The following ANKRD34C variants were observed in gnomAD, a reference collection of about 807,000 sequenced individuals.
ANKRD34C encodes ankyrin repeat domain-containing protein 34C.
For missense variants in ANKRD34C, 563 were observed against 653.0 expected, an observed-to-expected ratio of 0.86 and a Z score of 1.50; for synonymous variants, 260 against 253.6, an observed-to-expected ratio of 1.03 and a Z score of -0.24.
chr15:79,293,136 T>C, intron 1 of ANKRD34C, 105 bp from the exon 2 acceptor site: 1 of 801,328 alleles, frequency 1.2e-6, no homozygotes, highest in Non-Finnish European at 1.9e-6. Flanking sequence ...TCAATGTAAG[T>C]TGGGATCAGG....
intron 1 of ANKRD34C, among the ~76,000 whole-genome samples, chr15:79,286,243 T>G (rs1184739415): frequency 2.1e-5 from 3 of 145,490 alleles, no homozygotes; most frequent in African/African-American, 5.1e-5. Flanking sequence ...GGGTGGGGGG[T>G]TGGCGGGTAG....
rs2058675255 is a variant in ANKRD34C at position 79,297,596 on chromosome 15, T to G, written c.*2704T>G. The stretch of plus-strand genomic sequence containing the variant: ...CAGTCATGACCTTTGCATCAGCCTT[T>G]CAATAGACAGTCATCAGGCTAGTAT... On this transcript the variant is annotated 3_prime_UTR_variant, in exon 2 of 2. Coordinates refer to ENST00000421388, the MANE Select transcript of ANKRD34C (RefSeq NM_001146341.2). The G allele has an allele frequency of 6.0e-6, 1 of 167,090 alleles. No homozygotes were observed. The highest frequency in any genetic ancestry group is 2.4e-5 in the African/African-American group (1 of 41,454). 10.4% of individuals were successfully genotyped at this position (167,090 alleles called of 1,614,324 possible).
chr15:79,291,419 G>A (rs2058658731), intron 1 of ANKRD34C, among the ~76,000 whole-genome samples: 1 of 152,118 alleles, frequency 6.6e-6, no homozygotes, highest in South Asian at 2.1e-4. Flanking sequence ...CTAGTCTTTG[G>A]AAATTCTGCT....
rs879518409 is a variant in ANKRD34C, at chr15:79,294,590, C to G, written c.1306C>G (p.Arg436Gly). Residue 436 changes from arginine to glycine, a missense_variant, in exon 2 of 2, where the codon CGC (arginine) becomes GGC (glycine). Arg to Gly is a moderately radical substitution (Grantham distance 125). Transcript: ENST00000421388. ...TAGCACATCCCCCAGCTCAGCACGC[C>G]GCAGGCCGCCACATCTTCTAGAACG... ...VPSTSPSSARRRPPHLLERRG... is the reference protein window; with the variant it reads ...VPSTSPSSARGRPPHLLERRG... 1 of 1,551,712 alleles carries G rather than the reference C, an allele frequency of 6.4e-7. No individual in the cohort carries two copies. The highest frequency in any genetic ancestry group is 2.0e-5 in the Admixed American group (1 of 51,008).
Position 79,293,270 on chromosome 15 carries a change from T to C in ANKRD34C, c.-15T>C. 1.0e-5 allele frequency: 15 copies of C among 1,494,072 alleles called. No individual in the cohort carries two copies. The highest frequency in any genetic ancestry group is 1.3e-5 in the Non-Finnish European group (15 of 1,120,734). The allele number at this position is 1,494,072 out of a possible 1,614,324, so 92.6% of individuals were successfully genotyped here. A position where few individuals can be genotyped will look rare whatever the true frequency, so the allele number is the denominator to read the frequency against. The stretch of plus-strand genomic sequence containing the variant: ...GATTGCTACTGTGGCTCAGGTCCTC[T>C]AAACTGTAGCCAATATGATGGATGA... On this transcript the variant is annotated 5_prime_UTR_variant, in exon 2 of 2. Transcript: ENST00000421388.
In ANKRD34C at chr15:79,294,148, A is replaced by C; in HGVS notation, c.864A>C (p.Ile288=). 2 of 1,551,452 alleles carry C rather than the reference A, an allele frequency of 1.3e-6. No homozygotes were observed. The highest frequency in any genetic ancestry group is 2.4e-5 in the South Asian group (2 of 84,044). ...DNEVIKSISD[I]SFPKRGPLSR... is the part of the protein sequence containing the mutation. ...AGGTCATCAAGAGCATCAGTGATAT[A>C]TCCTTCCCTAAAAGGGGGCCCCTCT... Residue 288 remains isoleucine (I), a synonymous_variant, in exon 2 of 2, where the codon ATA becomes ATC. Transcript: ENST00000421388.
intron 1 of ANKRD34C, among the ~76,000 whole-genome samples, chr15:79,284,739 T>C (rs1304696501): frequency 6.6e-6 from 1 of 152,196 alleles, no homozygotes; most frequent in African/African-American, 2.4e-5. Flanking sequence ...ATAACAATGT[T>C]GTTAAGTAGG....
rs374330807 is a variant in ANKRD34C, at chr15:79,295,480, A to G, written c.*588A>G. 1 of 167,312 alleles carries G rather than the reference A, an allele frequency of 6.0e-6. No homozygotes were observed. Among genetic ancestry groups the G allele is most frequent in the African/African-American group, 2.4e-5 (1 of 41,440 alleles). 10.4% of individuals were successfully genotyped at this position (167,312 alleles called of 1,614,324 possible). A position where few individuals can be genotyped will look rare whatever the true frequency, so the allele number is the denominator to read the frequency against. On this transcript the variant is annotated 3_prime_UTR_variant, in exon 2 of 2. Transcript: ENST00000421388. The stretch of plus-strand genomic sequence containing the variant: ...AACTCGTTCAGTAATCCAGTAATAT[A>G]TTTTGTTCACATACTAATTTGTATG...
intron 1 of ANKRD34C, among the ~76,000 whole-genome samples, chr15:79,288,441 C>T (rs529112311): frequency 6.6e-6 from 1 of 152,268 alleles, no homozygotes; most frequent in Admixed American, 6.5e-5. Flanking sequence ...TATCTCTTTC[C>T]CATCCTCTAT....
Position 79,294,294 on chromosome 15 carries a change from A to T in ANKRD34C, c.1010A>T (p.Gln337Leu), listed in dbSNP as rs2141203487. ...TGGAAAGCAGCCTATGAGAAAGGTC[A>T]GGCTCCCCACCCACGTCTGGCCAGG... ...ASWKAAYEKG[Q>L]APHPRLARRG... is the part of the protein sequence containing the mutation. Residue 337 changes from glutamine to leucine, a missense_variant, in exon 2 of 2, where the codon CAG becomes CTG. Physicochemically the swap from Gln to Leu is moderately radical, Grantham distance 113 (BLOSUM62 -2). Coordinates refer to ENST00000421388, the MANE Select transcript of ANKRD34C (RefSeq NM_001146341.2). The T allele has an allele frequency of 6.4e-7, 1 of 1,551,720 alleles. No individual in the cohort carries two copies. Among genetic ancestry groups the T allele is most frequent in the Non-Finnish European group, 8.7e-7 (1 of 1,146,982 alleles).
rs918852567 is a variant in ANKRD34C, at chr15:79,293,777, A to G, written c.493A>G (p.Lys165Glu). 12 of 1,551,626 alleles carry G rather than the reference A, an allele frequency of 7.7e-6. No homozygotes were observed. The highest frequency in any genetic ancestry group is 8.7e-6 in the Non-Finnish European group (10 of 1,147,002). The change falls in exon 2 of 2, where the codon AAA becomes GAA. Residue 165 changes from lysine (K) to glutamate (E), a missense_variant. Lys to Glu is a moderately conservative substitution (Grantham distance 56). Coordinates refer to ENST00000421388, the MANE Select transcript of ANKRD34C (RefSeq NM_001146341.2). ...DKSSSGTKTT[K>E]QYLNVPPSPK... is the part of the protein sequence containing the mutation. ...ATCGTCTTCAGGCACCAAAACCACC[A>G]AACAGTATCTTAATGTCCCTCCTTC... is the stretch of plus-strand genomic sequence containing the variant.
At chr15:79,287,645 G>A (rs951406415) in intron 1 of ANKRD34C, among the ~76,000 whole-genome samples, 1 of 152,226 alleles carries the variant, frequency 6.6e-6, no homozygotes, top group African/African-American at 2.4e-5. Context: ...AGTAACAGAA[G>A]TTAATTCAAG....
chr15:79,284,791 G>A (rs2058638781), intron 1 of ANKRD34C, among the ~76,000 whole-genome samples: 1 of 152,152 alleles, frequency 6.6e-6, no homozygotes, highest in African/African-American at 2.4e-5. Context: ...AATGATGCTT[G>A]CCCAAAATTA....
At chr15:79,284,976 A>G (rs1159292267) in intron 1 of ANKRD34C, among the ~76,000 whole-genome samples, 1 of 152,242 alleles carries the variant, frequency 6.6e-6, no homozygotes, top group African/African-American at 2.4e-5. Flanking sequence ...TTTTAAAACC[A>G]TTTTGAAACA....
chr15:79,288,812 C>CTTTTTTTTT (rs60075615), intron 1 of ANKRD34C, among the ~76,000 whole-genome samples: 13 of 55,560 alleles, frequency 2.3e-4, no homozygotes, highest in East Asian at 6.2e-4. Flanking sequence ...GCCCAGTATT[C>CTTTTTTTTT]TTTTTTTTTT....
chr15:79,291,601 CAGAGAGAGAGAGAG>C (rs138471761), intron 1 of ANKRD34C, among the ~76,000 whole-genome samples: 2 of 83,912 alleles, frequency 2.4e-5, no homozygotes, highest in African/African-American at 4.5e-5. Flanking sequence ...CACACACACA[CAGAGAGAGAGAGAG>C]AGAGAGAGAG....
In ANKRD34C at chr15:79,294,060, C is replaced by T. The variant is rs560579919; in HGVS notation, c.776C>T (p.Ala259Val). The part of the protein sequence containing the change: ...RLQSEPWGLI[A>V]PSVLAASTRQ... ...CAGTCTGAACCTTGGGGCCTGATAG[C>T]GCCCTCGGTGCTGGCAGCCTCGACG... The change falls in exon 2 of 2, where the codon GCG (alanine) becomes GTG (valine). Residue 259 changes from alanine to valine, a missense_variant. Physicochemically the swap from Ala to Val is moderately conservative, Grantham distance 64 (BLOSUM62 0). Transcript: ENST00000421388. 24 of 1,551,578 alleles carry T rather than the reference C, an allele frequency of 1.5e-5. No individual in the cohort carries two copies. Among genetic ancestry groups the T allele is most frequent in the Middle Eastern group, 1.7e-4 (1 of 5,992 alleles).
intron 1 of ANKRD34C, among the ~76,000 whole-genome samples, chr15:79,285,689 G>A (rs867856869): frequency 2.0e-5 from 3 of 152,164 alleles, no homozygotes; most frequent in Non-Finnish European, 2.9e-5. Flanking sequence ...GTAAGACTAC[G>A]GAGAATGACA....
At position 79,288,325 on chromosome 15, in the gene ANKRD34C, C is replaced by T. The variant is rs141476013; in HGVS notation, c.-44-4916C>T. 6.6e-4 allele frequency among the ~76,000 whole-genome samples: 101 copies of T among 152,322 alleles called. 3 individuals carry two copies. In the East Asian group the frequency reaches 0.017, roughly 26 times the overall value. ...AGGGGATACGTTATTGAGCTAGCCA[C>T]AGCTTCATGGCAAATGCACTGATTA... On this transcript the variant is annotated intron_variant, in intron 1 of 1. Transcript: ENST00000421388.
Sources: allele counts gnomAD v4.1 joint callset (sites outside exome capture counted in the v4.1 genomes callset), GRCh38; gene constraint gnomAD v4.1.1; transcripts MANE v1.5; gene names NCBI Gene and HGNC (gene_info 2026-07-23, HGNC 2026-07-21).